Variants in TRIM37 observed in about 807,000 individuals in gnomAD.
The protein encoded by TRIM37 is E3 ubiquitin-protein ligase TRIM37.
In TRIM37, 80 loss-of-function variants were observed where a neutral mutation model predicts 129.8. The ratio of observed to expected loss-of-function variants is 0.62; its 90% CI spans 0.51 to 0.74. The LOEUF is 0.74. TRIM37 is among the 30% of genes least tolerant of loss of function. TRIM37 has a pLI of 0.00. For missense variants in TRIM37, 1,054 were observed against 1,176.5 expected, an observed-to-expected ratio of 0.90 and a Z score of 1.52; for synonymous variants, 389 against 387.1, an observed-to-expected ratio of 1.00 and a Z score of -0.06.
chr17:59,038,469 T>C (rs1233717782), intron 17 of TRIM37, among the ~76,000 whole-genome samples: 7 of 152,170 alleles, frequency 4.6e-5, no homozygotes, highest in Non-Finnish European at 2.9e-5. Context: ...ATACAGTGCC[T>C]GGATTATTAC....
chr17:59,031,947 T>A lies in TRIM37; in HGVS notation c.1897A>T (p.Asn633Tyr). ...GGGCGAGGCTGTAAGCCCCACAAAT[T>A]TTCTATACTGCTCCGGTCCTTAAGG... ...LDLKDRSSIE[N>Y]LWGLQPRPPA... The change falls in exon 18 of 24, where the codon AAT (asparagine) becomes TAT (tyrosine). Residue 633 changes from asparagine to tyrosine, a missense_variant. Coordinates refer to ENST00000262294, the MANE Select transcript of TRIM37 (RefSeq NM_015294.6). 1 of 1,614,104 alleles carries A rather than the reference T, an allele frequency of 6.2e-7. No homozygotes were observed. The highest frequency in any genetic ancestry group is 8.5e-7 in the Non-Finnish European group (1 of 1,180,014).
At chr17:59,025,199 A>G (rs909105987) in intron 19 of TRIM37, among the ~76,000 whole-genome samples, 1 of 152,158 alleles carries the variant, frequency 6.6e-6, no homozygotes, top group Admixed American at 6.5e-5. Flanking sequence ...GGGGAAAAAC[A>G]TCATTCCATT....
chr17:58,971,988 G>A, the TRIM37 span: 1 of 764,068 alleles, frequency 1.3e-6, no homozygotes, highest in Non-Finnish European at 2.0e-6. Flanking sequence ...AATGCATTGA[G>A]ACAATGAATT....
exon 25 of TRIM37, chr17:58,982,843 C>T: frequency 6.9e-7 from 1 of 1,451,210 alleles, no homozygotes. Flanking sequence ...CACACATGGT[C>T]CTCACTCATA....
the TRIM37 span, among the ~76,000 whole-genome samples, chr17:58,969,204 C>T: frequency 2.0e-5 from 3 of 152,130 alleles, no homozygotes; most frequent in South Asian, 2.1e-4. Flanking sequence ...TCCCTATCCC[C>T]CCTCCCCCAA....
chr17:59,082,484 T>C (rs1215924029), intron 5 of TRIM37, among the ~76,000 whole-genome samples: 6 of 152,146 alleles, frequency 3.9e-5, no homozygotes, highest in Non-Finnish European at 8.8e-5. Flanking sequence ...ACCAAATCCC[T>C]AGTCTTTACC....
chr17:59,061,447 A>G (rs904468458), intron 11 of TRIM37, among the ~76,000 whole-genome samples: 2 of 152,078 alleles, frequency 1.3e-5, no homozygotes, highest in African/African-American at 4.8e-5. Flanking sequence ...GAAGCAAAAA[A>G]AAATTTTAAA....
the TRIM37 span, among the ~76,000 whole-genome samples, chr17:58,971,005 C>T: frequency 2.6e-5 from 4 of 151,980 alleles, no homozygotes. Flanking sequence ...ATGTTTACCT[C>T]ATTTGTTTTG....
chr17:58,982,852 T>C, exon 25 of TRIM37: 15 of 1,509,666 alleles, frequency 9.9e-6, no homozygotes, highest in Non-Finnish European at 1.4e-5. Context: ...TCCTCACTCA[T>C]ATCTGTCACC....
At chr17:59,051,162 C>T in intron 14 of TRIM37, 52 bp downstream of exon 14, 1 of 1,153,042 alleles carries the variant, frequency 8.7e-7, no homozygotes, top group Non-Finnish European at 1.3e-6. Context: ...ACAAATATAA[C>T]AAGCCAAAAG....
downstream of TRIM37, chr17:58,980,278 G>T (rs541132971): frequency 3.1e-6 from 5 of 1,614,190 alleles, no homozygotes; most frequent in African/African-American, 2.7e-5. This position sits in a 1 kb window ranked among gnomAD's most constrained non-coding sequence, Gnocchi z 4.7. Flanking sequence ...ATTGGACAGA[G>T]AACTCTTTTC....
In TRIM37 at chr17:59,015,758, G is replaced by C. The variant is rs1308994728; in HGVS notation, c.2428C>G (p.Pro810Ala). The change falls in exon 21 of 24, where the codon CCC becomes GCC. Residue 810 changes from proline (P) to alanine (A), a missense_variant. Pro to Ala is a conservative substitution (Grantham distance 27). Coordinates refer to ENST00000262294, the MANE Select transcript of TRIM37 (RefSeq NM_015294.6). ...ATACTGCCATGTATCAAGGCTCGGG[G>C]AGAACTGTGCCTGCTCCCAGACTGA... is the stretch of plus-strand genomic sequence containing the variant. Reference protein sequence around the residue: ...SSQSGSRHSSPRALIHGSIGD... With the variant: ...SSQSGSRHSSARALIHGSIGD... 6.2e-7 allele frequency: 1 copy of C among 1,613,832 alleles called. No individual in the cohort carries two copies. Among genetic ancestry groups the C allele is most frequent in the African/African-American group, 1.3e-5 (1 of 75,002 alleles).
At chr17:58,970,758 CTT>C in the TRIM37 span, among the ~76,000 whole-genome samples, 2 of 152,062 alleles carry the variant, frequency 1.3e-5, no homozygotes, top group East Asian at 1.9e-4. Context: ...TAAAGCCACT[CTT>C]GACCTCAGAG....
At chr17:59,063,233 G>A (rs12949720) in intron 10 of TRIM37, among the ~76,000 whole-genome samples, 36,568 of 151,410 alleles carry the variant, frequency 0.24, 4,729 homozygotes, top group African/African-American at 0.33. Context: ...AGGCTGGAGC[G>A]CAGTGGCACG....
intron 13 of TRIM37, among the ~76,000 whole-genome samples, chr17:59,053,270 A>G (rs552654052): frequency 6.6e-6 from 1 of 152,354 alleles, no homozygotes; most frequent in South Asian, 2.1e-4. Flanking sequence ...ATAGTTATAG[A>G]AAAGCCTTAA....
At chr17:59,087,458 CTTT>C (rs56956832) in intron 4 of TRIM37, among the ~76,000 whole-genome samples, 5 of 130,818 alleles carry the variant, frequency 3.8e-5, no homozygotes, top group East Asian at 2.3e-4. Context: ...AAGCCTCTTT[CTTT>C]TTTTTTTTTT....
the TRIM37 span, among the ~76,000 whole-genome samples, chr17:58,975,533 AC>A: frequency 6.6e-6 from 1 of 152,212 alleles, no homozygotes; most frequent in Non-Finnish European, 1.5e-5. Context: ...ACATAGAGTG[AC>A]TTTTGAGTTG....
At chr17:59,055,416 C>T (rs2040759102) in intron 13 of TRIM37, among the ~76,000 whole-genome samples, 1 of 151,260 alleles carries the variant, frequency 6.6e-6, no homozygotes, top group Admixed American at 6.6e-5. Context: ...GCTAAATGGG[C>T]CGGGCGCAGT....
chr17:59,006,762 G>A (rs2144710276), intron 22 of TRIM37, among the ~76,000 whole-genome samples: 1 of 152,266 alleles, frequency 6.6e-6, no homozygotes, highest in East Asian at 1.9e-4. Context: ...GGCAGCAGAT[G>A]CCTGTAATCC....
Sources: gnomAD v4.1 joint callset for allele counts (sites outside exome capture counted in the v4.1 genomes callset) on GRCh38, gnomAD v4.1.1 for gene constraint, Gnocchi (gnomAD v3.1) non-coding constraint, MANE v1.5 for transcripts, NCBI Gene and HGNC (gene_info 2026-07-23, HGNC 2026-07-21) for gene names.